The following ARID1B variants were observed in gnomAD, a reference collection of about 807,000 sequenced individuals.
The protein encoded by ARID1B is AT-rich interaction domain 1B.
Under a neutral mutation model 212.3 loss-of-function variants are expected in ARID1B, and 30 were observed. That is an observed-to-expected ratio of 0.14 (90% CI 0.11 to 0.19). ARID1B has a LOEUF of 0.19. ARID1B is among the 10% of genes least tolerant of loss of function. The pLI is 1.00. For missense variants in ARID1B, 2,891 were observed against 3,204.0 expected (o/e 0.90, Z 2.36); for synonymous variants, 1,402 against 1,301.7 (o/e 1.08, Z -1.66).
intron 2 of ARID1B, among the ~76,000 whole-genome samples, chr6:156,868,801 A>G (rs288547): frequency 0.2 from 30,556 of 152,224 alleles, 3,543 homozygotes; most frequent in African/African-American, 0.29. Flanking sequence ...TTGTGAAACT[A>G]CTTAGAACTG....
rs1040995163 is a variant in ARID1B at position 157,201,014 on chromosome 6, C to A, written c.4789C>A (p.Pro1597Thr). Reference sequence around the variant, plus strand: ...GGCAGCACGCAATGATATGCCTTATCCCTACCAGAACAGGCAGGGCCCTGG... The same window carrying A: ...GGCAGCACGCAATGATATGCCTTATACCTACCAGAACAGGCAGGGCCCTGG... Reference protein sequence around the residue: ...MWAARNDMPYPYQNRQGPGGP... With the variant: ...MWAARNDMPYTYQNRQGPGGP... Residue 1597 changes from proline (P) to threonine (T), a missense_variant, in exon 18 of 20, where the codon CCC becomes ACC. Pro to Thr is a conservative substitution (Grantham distance 38, BLOSUM62 -1). Around this residue, in one of 7 missense-constraint regions of ARID1B, gnomAD observed 666 missense variants for 873.5 expected, o/e 0.76. Coordinates refer to ENST00000636930, the MANE Select transcript of ARID1B (RefSeq NM_001374828.1). This position sits in a 1 kb window ranked among gnomAD's most constrained non-coding sequence, Gnocchi z 5.2. 5.6e-6 allele frequency: 9 copies of A among 1,614,046 alleles called. No individual in the cohort carries two copies. The highest frequency in any genetic ancestry group is 3.3e-4 in the Middle Eastern group (2 of 6,062).
intron 4 of ARID1B, among the ~76,000 whole-genome samples, chr6:157,035,617 T>C (rs562713465): frequency 3.3e-5 from 5 of 152,316 alleles, no homozygotes; most frequent in African/African-American, 9.6e-5. Flanking sequence ...TTTTTTCTAC[T>C]ATAATTGATC....
intron 1 of ARID1B, among the ~76,000 whole-genome samples, chr6:156,799,947 G>A (rs1056121705): frequency 3.3e-5 from 5 of 152,112 alleles, no homozygotes; most frequent in African/African-American, 1.2e-4. Context: ...CTTGTTTTCG[G>A]GGTCCTAGGT....
At chr6:157,059,048 G>T (rs1364390856) in intron 4 of ARID1B, among the ~76,000 whole-genome samples, 4 of 151,678 alleles carry the variant, frequency 2.6e-5, no homozygotes, top group African/African-American at 9.7e-5. Flanking sequence ...AGGTACTTCA[G>T]CTTGGAAATT....
At chr6:156,961,515 C>A (rs1306117510) in intron 4 of ARID1B, among the ~76,000 whole-genome samples, 1 of 152,164 alleles carries the variant, frequency 6.6e-6, no homozygotes. Flanking sequence ...CTGCGTTGCG[C>A]GGGCAGGACA....
At chr6:157,156,795 G>A (rs1790604724) in intron 8 of ARID1B, among the ~76,000 whole-genome samples, 1 of 152,206 alleles carries the variant, frequency 6.6e-6, no homozygotes, top group Non-Finnish European at 1.5e-5. Context: ...CGCCACTGCA[G>A]AGCACGGAGG....
chr6:156,986,314 C>T (rs1374017034), intron 4 of ARID1B, among the ~76,000 whole-genome samples: 1 of 152,220 alleles, frequency 6.6e-6, no homozygotes, highest in African/African-American at 2.4e-5. Context: ...CTTTCTTGAA[C>T]AGGCTTGTAG....
chr6:156,868,342 A>G (rs1217130454), intron 2 of ARID1B, among the ~76,000 whole-genome samples: 2 of 152,168 alleles, frequency 1.3e-5, no homozygotes. Context: ...AAGGATTTAA[A>G]CCTCCTGTGA....
At chr6:156,984,179 T>C (rs1029332301) in intron 4 of ARID1B, among the ~76,000 whole-genome samples, 2 of 152,094 alleles carry the variant, frequency 1.3e-5, no homozygotes, top group Non-Finnish European at 2.9e-5. Context: ...GGACAAACCT[T>C]GGAGATGGGA....
intron 2 of ARID1B, among the ~76,000 whole-genome samples, chr6:156,840,584 C>A (rs1379918357): frequency 3.3e-5 from 5 of 152,292 alleles, no homozygotes; most frequent in African/African-American, 1.2e-4. Context: ...TATCTGCCAC[C>A]CATGGTTCGC....
At chr6:156,807,449 G>GTTTTTT (rs34102389) in intron 1 of ARID1B, among the ~76,000 whole-genome samples, 8 of 142,338 alleles carry the variant, frequency 5.6e-5, no homozygotes, top group African/African-American at 2.0e-4. Flanking sequence ...TTTTCTTAAG[G>GTTTTTT]TTTTTTTTTT....
At chr6:157,100,967 T>C (rs915183787) in intron 5 of ARID1B, among the ~76,000 whole-genome samples, 1 of 152,188 alleles carries the variant, frequency 6.6e-6, no homozygotes, top group Non-Finnish European at 1.5e-5. Flanking sequence ...AAATGCATCC[T>C]CCAGAAGATC....
intron 4 of ARID1B, chr6:156,942,964 C>T (rs1792789361): frequency 6.6e-6 from 1 of 152,192 alleles, no homozygotes; most frequent in African/African-American, 2.4e-5. Context: ...CTCATAGTAG[C>T]ATTTGTAGAC....
intron 4 of ARID1B, among the ~76,000 whole-genome samples, chr6:156,993,935 G>A (rs1778425168): frequency 1.3e-5 from 2 of 152,252 alleles, no homozygotes; most frequent in African/African-American, 4.8e-5. Context: ...ATATCAAGTG[G>A]CACTTATTCA....
chr6:156,861,267 C>T (rs1384072694), intron 2 of ARID1B, among the ~76,000 whole-genome samples: 1 of 152,042 alleles, frequency 6.6e-6, no homozygotes, highest in Non-Finnish European at 1.5e-5. Flanking sequence ...GGTGTGCTGA[C>T]GAAGAGTAAC....
Position 157,092,593 on chromosome 6 carries a change from C to T in ARID1B, c.2491+7688C>T, listed in dbSNP as rs1263180158. Among the ~76,000 whole-genome samples, 3 of 152,228 alleles carry T rather than the reference C, an allele frequency of 2.0e-5. No individual in the cohort carries two copies. In the East Asian group the frequency reaches 5.8e-4, roughly 29 times the overall value. On this transcript the variant is annotated intron_variant, in intron 5 of 19. Transcript: ENST00000636930. ...GCACAAATCTTTTCAATCTTTCATT[C>T]CAGCAAACTTCAAATTAAGCCTTTT... is the stretch of plus-strand genomic sequence containing the variant.
At chr6:157,050,834 A>G (rs1188947009) in intron 4 of ARID1B, among the ~76,000 whole-genome samples, 1 of 152,232 alleles carries the variant, frequency 6.6e-6, no homozygotes, top group Non-Finnish European at 1.5e-5. Flanking sequence ...CAGGCACAAT[A>G]TTAATAGATG....
intron 4 of ARID1B, among the ~76,000 whole-genome samples, chr6:157,058,455 G>T (rs1469314245): frequency 6.6e-6 from 1 of 152,118 alleles, no homozygotes; most frequent in Admixed American, 6.6e-5. Context: ...AATAGAGACA[G>T]GGTTTCACCA....
rs571168857 is a variant in ARID1B at position 156,886,450 on chromosome 6, T to C, written c.1987-14926T>C. ...ATTCAGCTTCTTTTCCCACCCCTGC[T>C]GGCTCTCTTGTATCCTCTGGGCTCC... On this transcript the variant is annotated intron_variant, in intron 2 of 19. Coordinates refer to ENST00000636930, the MANE Select transcript of ARID1B (RefSeq NM_001374828.1). Among the ~76,000 whole-genome samples, 196 of 152,346 alleles carry C rather than the reference T, an allele frequency of 1.3e-3. 1 individual carries two copies. Among genetic ancestry groups the C allele is most frequent in the African/African-American group, 4.4e-3 (184 of 41,580 alleles).
Sources: gnomAD v4.1 joint callset for allele counts (sites outside exome capture counted in the v4.1 genomes callset) on GRCh38, gnomAD v4.1.1 for gene constraint, gnomAD v4.1.1 regional missense constraint, Gnocchi (gnomAD v3.1) non-coding constraint, MANE v1.5 for transcripts, NCBI Gene and HGNC (gene_info 2026-07-23, HGNC 2026-07-21) for gene names.